Variants in ANKRD11 observed in about 807,000 individuals in gnomAD.
The protein encoded by ANKRD11 is ankyrin repeat domain-containing protein 11.
Under a neutral mutation model 195.7 loss-of-function variants are expected in ANKRD11, and 17 were observed. The ratio of observed to expected loss-of-function variants is 0.09; its 90% CI spans 0.06 to 0.13. The LOEUF (loss-of-function observed/expected upper bound fraction) is 0.13, where lower values mean the gene tolerates loss of function less well. ANKRD11 is among the 10% of genes least tolerant of loss of function. ANKRD11 has a pLI of 1.00. For missense variants in ANKRD11, 3,735 were observed against 3,566.1 expected, an observed-to-expected ratio of 1.05 and a Z score of -1.21; for synonymous variants, 1,953 against 1,528.1, an observed-to-expected ratio of 1.28 and a Z score of -6.49.
chr16:89,280,482 G>A lies in ANKRD11; in HGVS notation c.6060C>T (p.Ala2020=). ...ASEAPYPAPP[A]SPAPYALPVA... ...CGGGCAGAGCGTACGGGGCAGGAGA[G>A]GCGGGAGGGGCGGGGTACGGCGCCT... is the stretch of plus-strand genomic sequence containing the variant. Residue 2020 remains alanine (A), a synonymous_variant, in exon 9 of 13, where the codon GCC becomes GCT. Transcript: ENST00000301030. 4 of 1,566,884 alleles carry A rather than the reference G, an allele frequency of 2.6e-6. No homozygotes were observed. Among genetic ancestry groups the A allele is most frequent in the African/African-American group, 1.3e-5 (1 of 74,166 alleles).
rs1451972961 is a variant in ANKRD11, at chr16:89,286,122, G to A, written c.809C>T (p.Pro270Leu). The A allele has an allele frequency of 1.9e-6, 3 of 1,614,204 alleles. No individual in the cohort carries two copies. Among genetic ancestry groups the A allele is most frequent in the Non-Finnish European group, 2.5e-6 (3 of 1,180,042 alleles). Residue 270 changes from proline (P) to leucine (L), a missense_variant, in exon 8 of 13, where the codon CCG becomes CTG. Transcript: ENST00000301030. ...CGTGGGGGAGTTGGCCACTTTCAGC[G>A]GCGTCTCGCCTTTCCTGTTGCTCTG... ...PQQSNRKGET[P>L]LKVANSPTMV...
At chr16:89,424,333 C>T (rs1050204107) in intron 1 of ANKRD11, among the ~76,000 whole-genome samples, 5 of 151,696 alleles carry the variant, frequency 3.3e-5, no homozygotes, top group Non-Finnish European at 7.4e-5. Flanking sequence ...CCCAGCTACT[C>T]GGGAGACTGA....
chr16:89,285,240 C>G lies in ANKRD11; in HGVS notation c.1302G>C (p.Leu434Phe). The G allele has an allele frequency of 6.2e-7, 1 of 1,613,856 alleles. No homozygotes were observed. The highest frequency in any genetic ancestry group is 1.3e-5 in the African/African-American group (1 of 75,034). The change falls in exon 9 of 13, where the codon TTG becomes TTC. Residue 434 changes from leucine to phenylalanine, a missense_variant. Coordinates refer to ENST00000301030, the MANE Select transcript of ANKRD11 (RefSeq NM_013275.6). The surrounding 1 kb of genome is among the most constrained non-coding windows in gnomAD (Gnocchi z 5.6). The stretch of plus-strand genomic sequence containing the variant: ...AAGGCTCTCGTGTCTTACTACCAGG[C>G]AATATCGTATGTGCCGAGAGTCTCA... ...EKLRLSAHTI[L>F]PGSKTREPSN...
At chr16:89,303,228 G>A (rs1039907011) in intron 4 of ANKRD11, among the ~76,000 whole-genome samples, 1 of 152,204 alleles carries the variant, frequency 6.6e-6, no homozygotes, top group Non-Finnish European at 1.5e-5. Context: ...AAAGGTCTGA[G>A]GCCAACTCCC....
At chr16:89,325,240 A>G (rs749792918) in intron 2 of ANKRD11, 10 of 152,266 alleles carry the variant, frequency 6.6e-5, no homozygotes, top group Non-Finnish European at 1.3e-4. Context: ...ACGTAAGTCA[A>G]TCTCACAAAT....
intron 1 of ANKRD11, among the ~76,000 whole-genome samples, chr16:89,473,569 C>T (rs767457448): frequency 2.0e-5 from 3 of 152,214 alleles, no homozygotes; most frequent in South Asian, 4.1e-4. Context: ...ATTCTACTTC[C>T]GTTCTACAAG....
At chr16:89,454,014 G>A (rs1018846728) in intron 1 of ANKRD11, among the ~76,000 whole-genome samples, 4 of 152,180 alleles carry the variant, frequency 2.6e-5, no homozygotes, top group Non-Finnish European at 5.9e-5. Flanking sequence ...CCTACATGGA[G>A]CACACAGAAG....
chr16:89,308,226 A>C (rs1176634327), intron 3 of ANKRD11, among the ~76,000 whole-genome samples: 2 of 152,262 alleles, frequency 1.3e-5, no homozygotes, highest in South Asian at 4.1e-4. Flanking sequence ...ATAAGAATAG[A>C]TTCGAGAATG....
At chr16:89,458,404 T>C (rs917769763) in intron 1 of ANKRD11, among the ~76,000 whole-genome samples, 1 of 152,022 alleles carries the variant, frequency 6.6e-6, no homozygotes, top group African/African-American at 2.4e-5. Context: ...TTTTGTATTT[T>C]TAGTAGAGAC....
intron 3 of ANKRD11, among the ~76,000 whole-genome samples, chr16:89,315,367 A>G (rs895033505): frequency 3.3e-5 from 5 of 152,208 alleles, no homozygotes; most frequent in Admixed American, 2.0e-4. Flanking sequence ...CTGACTGCTT[A>G]GCCACAGAAG....
chr16:89,370,837 G>T (rs2040161551), intron 2 of ANKRD11: 1 of 152,574 alleles, frequency 6.6e-6, no homozygotes, highest in Non-Finnish European at 1.5e-5. Flanking sequence ...GCCGGCTCCT[G>T]AGTGCTCAGT....
intron 2 of ANKRD11, among the ~76,000 whole-genome samples, chr16:89,382,075 G>A (rs1365159895): frequency 6.6e-6 from 1 of 152,164 alleles, no homozygotes; most frequent in East Asian, 1.9e-4. Flanking sequence ...CAGTGAATGG[G>A]GCCCAGGCAG....
At chr16:89,432,711 C>CTA (rs1567797786) in intron 1 of ANKRD11, among the ~76,000 whole-genome samples, 6 of 152,118 alleles carry the variant, frequency 3.9e-5, no homozygotes, top group Admixed American at 3.3e-4. Flanking sequence ...CATTCATATT[C>CTA]TATCACGGTA....
At chr16:89,395,347 G>A (rs964710497) in intron 2 of ANKRD11, among the ~76,000 whole-genome samples, 16 of 152,190 alleles carry the variant, frequency 1.1e-4, no homozygotes, top group African/African-American at 3.4e-4. Context: ...GAACCCTGAC[G>A]GCAAGCTGTT....
At chr16:89,409,425 G>A (rs1286435573) in intron 2 of ANKRD11, among the ~76,000 whole-genome samples, 2 of 152,200 alleles carry the variant, frequency 1.3e-5, no homozygotes, top group Admixed American at 6.5e-5. Context: ...TGCAGCCAGG[G>A]TTTCCTGTGG....
chr16:89,481,818 G>A (rs1236668180), intron 1 of ANKRD11, among the ~76,000 whole-genome samples: 1 of 151,868 alleles, frequency 6.6e-6, no homozygotes, highest in Non-Finnish European at 1.5e-5. Context: ...GGCCTTCCCA[G>A]CCTTTGTCCC....
At chr16:89,305,434 T>C (rs1045211269) in intron 3 of ANKRD11, 90 bp from the exon 4 acceptor site, 1 of 1,559,758 alleles carries the variant, frequency 6.4e-7, no homozygotes, top group African/African-American at 1.4e-5. Flanking sequence ...GAGAAGCGCA[T>C]CTCTTATTTG....
Position 89,279,210 on chromosome 16 carries a change from G to C in ANKRD11, c.7332C>G (p.Ile2444Met). The C allele has an allele frequency of 1.2e-6, 2 of 1,612,374 alleles. No individual in the cohort carries two copies. The highest frequency in any genetic ancestry group is 1.7e-6 in the Non-Finnish European group (2 of 1,179,850). Reference protein sequence around the residue: ...RANPYFEYLQIRKKIEEKRKI... With the variant: ...RANPYFEYLQMRKKIEEKRKI... ...TGCGCTTCTCCTCGATCTTCTTCCT[G>C]ATCTGCAGGTATTCGAAGTAGGGGT... Residue 2444 changes from isoleucine (I) to methionine (M), a missense_variant, in exon 9 of 13, where the codon ATC becomes ATG. Transcript: ENST00000301030. The surrounding 1 kb of genome is among the most constrained non-coding windows in gnomAD (Gnocchi z 5.6).
chr16:89,292,857 C>T (rs1310870419), intron 4 of ANKRD11, among the ~76,000 whole-genome samples: 3 of 152,238 alleles, frequency 2.0e-5, no homozygotes, highest in Non-Finnish European at 4.4e-5. Context: ...TGGGTCTCTG[C>T]GTGCGCCCCA....
Sources: allele counts gnomAD v4.1 joint callset (sites outside exome capture counted in the v4.1 genomes callset), GRCh38; gene constraint gnomAD v4.1.1; non-coding constraint Gnocchi (gnomAD v3.1); transcripts MANE v1.5; gene names NCBI Gene and HGNC (gene_info 2026-07-23, HGNC 2026-07-21).